The following ZXDC variants were observed in gnomAD, a reference collection of about 807,000 sequenced individuals.
ZXDC encodes ZXD family zinc finger C.
In ZXDC, 58 loss-of-function variants were observed where a neutral mutation model predicts 63.6. The ratio of observed to expected loss-of-function variants is 0.91; its 90% confidence interval spans 0.74 to 1.13. The LOEUF (loss-of-function observed/expected upper bound fraction) is 1.13. ZXDC is among the 50% of genes most tolerant of loss of function. The pLI, the probability that ZXDC is intolerant of heterozygous loss-of-function variation, is 0.00. For missense variants in ZXDC, 1,133 were observed against 1,148.9 expected, an observed-to-expected ratio of 0.99 and a Z score of 0.20; for synonymous variants, 561 against 496.1, an observed-to-expected ratio of 1.13 and a Z score of -1.74.
At chr3:126,467,132 C>T (rs771696923) in intron 4 of ZXDC, among the ~76,000 whole-genome samples, 3 of 152,110 alleles carry the variant, frequency 2.0e-5, no homozygotes, top group East Asian at 1.9e-4. Flanking sequence ...ACACACCTCC[C>T]GAGAAGGCAG....
intron 7 of ZXDC, among the ~76,000 whole-genome samples, chr3:126,446,625 A>C (rs1933894880): frequency 6.6e-6 from 1 of 152,122 alleles, no homozygotes; most frequent in Admixed American, 6.5e-5. Context: ...TCCTCACTTG[A>C]ACAGGAGGTA....
intron 7 of ZXDC, among the ~76,000 whole-genome samples, chr3:126,456,447 CCAGA>C (rs1436306553): frequency 6.6e-6 from 1 of 152,254 alleles, no homozygotes; most frequent in Admixed American, 6.5e-5. Flanking sequence ...CAACAAAACT[CCAGA>C]CAGTGAGTCT....
intron 7 of ZXDC, chr3:126,454,480 G>C: frequency 1.0e-6 from 1 of 985,278 alleles, no homozygotes; most frequent in Non-Finnish European, 1.2e-6. Flanking sequence ...TTTGTGATTT[G>C]CCTTTGCTTT....
intron 7 of ZXDC, chr3:126,457,642 A>T (rs1481875703): frequency 1.0e-6 from 1 of 985,320 alleles, no homozygotes; most frequent in Non-Finnish European, 1.2e-6. Flanking sequence ...ACAGATTCAA[A>T]CATCATGAAC....
rs756559390 is a variant in ZXDC, at chr3:126,459,645, G to A, written c.2212+8C>T. On this transcript the variant is annotated splice_region_variant and intron_variant, in intron 7 of 9. Coordinates refer to ENST00000389709, the MANE Select transcript of ZXDC (RefSeq NM_025112.5). ...TTGCTCGTCCGGCTGCAGCACACAC[G>A]GCCTCACCTGCATTGCTCCCCGCTC... 32 of 1,614,084 alleles carry A rather than the reference G, an allele frequency of 2.0e-5. No individual in the cohort carries two copies. The South Asian group carries it at 2.2e-4, about 11-fold the overall frequency.
At chr3:126,465,211 C>T (rs1194150906) in intron 5 of ZXDC, among the ~76,000 whole-genome samples, 3 of 152,224 alleles carry the variant, frequency 2.0e-5, no homozygotes, top group African/African-American at 7.2e-5. Flanking sequence ...CAGCCAGGCC[C>T]GGTGAGGAGC....
At chr3:126,470,853 T>A (rs752330408) in intron 4 of ZXDC, 42 bp downstream of exon 4, 26 of 1,605,608 alleles carry the variant, frequency 1.6e-5, no homozygotes, top group Admixed American at 5.0e-5. Context: ...AATGTTGGCA[T>A]TGCACTTAGT....
In ZXDC at chr3:126,475,194, C is replaced by T. The variant is rs1935139860; in HGVS notation, c.672G>A (p.Lys224=). Residue 224 remains lysine, a synonymous_variant, in exon 1 of 10, where the codon AAG becomes AAA. Transcript: ENST00000389709. ...GCGWAFTTSY[K]LKRHLQSHDK... ...CGTGCGACTGCAGGTGCCGCTTGAG[C>T]TTGTAGGACGTTGTGAAGGCCCAAC... 4 of 1,590,444 alleles carry T rather than the reference C, an allele frequency of 2.5e-6. No individual in the cohort carries two copies. Among genetic ancestry groups the T allele is most frequent in the Non-Finnish European group, 8.6e-7 (1 of 1,168,550 alleles).
Position 126,458,942 on chromosome 3 carries a change from G to C in ZXDC, c.2212+711C>G, listed in dbSNP as rs912557612. 1.2e-5 allele frequency: 12 copies of C among 981,428 alleles called. No individual in the cohort carries two copies. In the African/African-American group the frequency reaches 1.9e-4, roughly 16 times the overall value. 60.8% of individuals were successfully genotyped at this position (981,428 alleles called of 1,614,324 possible). On this transcript the variant is annotated intron_variant, in intron 7 of 9. Transcript: ENST00000389709. ...AATTGTTATTTATTTTAAATAAGAA[G>C]TCATAATACTATTAGGAATAGAGAG... is the stretch of plus-strand genomic sequence containing the variant.
rs757597728 is a variant in ZXDC, at chr3:126,475,189, T to C, written c.677A>G (p.Lys226Arg). The C allele has an allele frequency of 3.8e-6, 6 of 1,593,358 alleles. No individual in the cohort carries two copies. Among genetic ancestry groups the C allele is most frequent in the Non-Finnish European group, 5.1e-6 (6 of 1,170,076 alleles). ...CTTGTCGTGCGACTGCAGGTGCCGC[T>C]TGAGCTTGTAGGACGTTGTGAAGGC... ...GWAFTTSYKL[K>R]RHLQSHDKLR... The change falls in exon 1 of 10, where the codon AAG (lysine) becomes AGG (arginine). Residue 226 changes from lysine to arginine, a missense_variant. Coordinates refer to ENST00000389709, the MANE Select transcript of ZXDC (RefSeq NM_025112.5).
chr3:126,438,259 G>T lies in ZXDC; in HGVS notation c.*116C>A, dbSNP rs563444966. The T allele has an allele frequency of 2.5e-6, 2 of 809,112 alleles. No homozygotes were observed. The highest frequency in any genetic ancestry group is 1.5e-5 in the South Asian group (1 of 67,094). 50.1% of individuals were successfully genotyped at this position (809,112 alleles called of 1,614,324 possible). ...AAATGTACCCAAAAGTCTCAAAAGG[G>T]CTACGCTGGTCTTCTGAACGGAAAC... On this transcript the variant is annotated 3_prime_UTR_variant, in exon 10 of 10. Transcript: ENST00000389709.
At chr3:126,452,925 TG>T in intron 7 of ZXDC, 1 of 667,946 alleles carries the variant, frequency 1.5e-6, no homozygotes, top group South Asian at 6.7e-5. Flanking sequence ...TTTTTACAGA[TG>T]GGGGTCTTAC....
intron 7 of ZXDC, chr3:126,443,358 G>A (rs974811568): frequency 2.0e-5 from 3 of 152,168 alleles, no homozygotes; most frequent in African/African-American, 7.2e-5. Flanking sequence ...AGCAGGGCTG[G>A]GTCTGGGGCA....
Position 126,475,777 on chromosome 3 carries a change from G to T in ZXDC, c.89C>A (p.Pro30Gln). The change falls in exon 1 of 10, where the codon CCG becomes CAG. Residue 30 changes from proline (P) to glutamine (Q), a missense_variant. Pro to Gln is a moderately conservative substitution (Grantham distance 76). Coordinates refer to ENST00000389709, the MANE Select transcript of ZXDC (RefSeq NM_025112.5). Reference sequence around the variant, plus strand: ...GCGGCGCGCGGGGCTCGCGCCGAGCGGCGCTGGGGCTCGGCGGAGCGGGCC... The same window carrying T: ...GCGGCGCGCGGGGCTCGCGCCGAGCTGCGCTGGGGCTCGGCGGAGCGGGCC... ...GPGPLRRAPA[P>Q]LGASPARRRL... The T allele has an allele frequency of 8.9e-7, 1 of 1,128,976 alleles. No individual in the cohort carries two copies. The highest frequency in any genetic ancestry group is 1.1e-6 in the Non-Finnish European group (1 of 923,244). The allele number at this position is 1,128,976 out of a possible 1,614,324, so 69.9% of individuals were successfully genotyped here.
At chr3:126,444,106 G>A (rs962212003) in intron 7 of ZXDC, among the ~76,000 whole-genome samples, 2 of 152,160 alleles carry the variant, frequency 1.3e-5, no homozygotes, top group Non-Finnish European at 2.9e-5. Flanking sequence ...CAAGTGAGGG[G>A]GAACTGCCTG....
intron 5 of ZXDC, among the ~76,000 whole-genome samples, chr3:126,463,382 T>C (rs188982402): frequency 3.9e-4 from 59 of 152,344 alleles, no homozygotes; most frequent in Non-Finnish European, 1.5e-4. Context: ...GTCATGATTC[T>C]AACAGGCCCT....
At chr3:126,472,511 C>T (rs1390407743) in intron 1 of ZXDC, among the ~76,000 whole-genome samples, 2 of 152,176 alleles carry the variant, frequency 1.3e-5, no homozygotes, top group African/African-American at 4.8e-5. Flanking sequence ...AATAGGCACA[C>T]GCTGGCCACC....
intron 5 of ZXDC, among the ~76,000 whole-genome samples, chr3:126,465,073 C>A (rs1002584285): frequency 6.6e-6 from 1 of 152,202 alleles, no homozygotes; most frequent in East Asian, 1.9e-4. Context: ...GACACAGCTG[C>A]GCCCCAAAGC....
At position 126,466,138 on chromosome 3, in the gene ZXDC, C is replaced by A; in HGVS notation, c.1441+17G>T. ...ACAGGGAAGCAGCTCCCCATGGGGGCCGTGGAAAGTGCAGACCTTGGCGCC... is the reference window on the plus strand; with the variant it reads ...ACAGGGAAGCAGCTCCCCATGGGGGACGTGGAAAGTGCAGACCTTGGCGCC... On this transcript the variant is annotated intron_variant, in intron 5 of 9. Transcript: ENST00000389709. 1 of 1,602,080 alleles carries A rather than the reference C, an allele frequency of 6.2e-7. No individual in the cohort carries two copies. Among genetic ancestry groups the A allele is most frequent in the South Asian group, 1.1e-5 (1 of 90,642 alleles).
Sources: gnomAD v4.1 joint callset for allele counts (sites outside exome capture counted in the v4.1 genomes callset) on GRCh38, gnomAD v4.1.1 for gene constraint, MANE v1.5 for transcripts, NCBI Gene and HGNC (gene_info 2026-07-23, HGNC 2026-07-21) for gene names.